Variants in COL23A1 observed in about 807,000 individuals in gnomAD.
COL23A1 encodes the protein collagen alpha-1(XXIII) chain.
COL23A1 carries 97 observed loss-of-function variants against 99.3 expected under a neutral mutation model. That is an observed-to-expected ratio of 0.98 (90% confidence interval 0.83 to 1.16). The LOEUF (loss-of-function observed/expected upper bound fraction) is 1.16, where lower values mean the gene tolerates loss of function less well. COL23A1 is among the 50% of genes most tolerant of loss of function. The probability of loss-of-function intolerance (pLI) is 0.00; values close to 1 mark genes in which losing one functional copy is unlikely to be tolerated. For missense variants in COL23A1, 762 were observed against 757.4 expected, an observed-to-expected ratio of 1.01 and a Z score of -0.07; for synonymous variants, 320 against 308.2, an observed-to-expected ratio of 1.04 and a Z score of -0.40.
At chr5:178,268,151 C>T (rs1465253671) in intron 7 of COL23A1, among the ~76,000 whole-genome samples, 4 of 152,224 alleles carry the variant, frequency 2.6e-5, no homozygotes, top group Admixed American at 1.3e-4. Context: ...CGGGGGTGGA[C>T]ATGGTCCAGC....
In COL23A1 at chr5:178,280,235, G is replaced by A. The variant is rs1401008973; in HGVS notation, c.441+8089C>T. On this transcript the variant is annotated intron_variant, in intron 5 of 28. Transcript: ENST00000390654. The surrounding 1 kb of genome is among the most constrained non-coding windows in gnomAD (Gnocchi z 4.9). ...GGGCCACAGCCTGGGCGATCAGCCA[G>A]GACGCTGGCCATTGAGGATGCAGGC... is the stretch of plus-strand genomic sequence containing the variant. Among the ~76,000 whole-genome samples, 2 of 152,258 alleles carry A rather than the reference G, an allele frequency of 1.3e-5. No homozygotes were observed. Among genetic ancestry groups the A allele is most frequent in the African/African-American group, 4.8e-5 (2 of 41,476 alleles).
intron 2 of COL23A1, among the ~76,000 whole-genome samples, chr5:178,402,691 G>A (rs902736928): frequency 5.9e-5 from 9 of 151,792 alleles, no homozygotes; most frequent in East Asian, 1.9e-4. Context: ...GTTCAAATAC[G>A]GCCTGGGACA....
Position 178,247,794 on chromosome 5 carries a change from G to C in COL23A1, c.1250C>G (p.Pro417Arg), listed in dbSNP as rs1477520916. The change falls in exon 21 of 29, where the codon CCT becomes CGT. Residue 417 changes from proline to arginine, a missense_variant. Coordinates refer to ENST00000390654, the MANE Select transcript of COL23A1 (RefSeq NM_173465.4). ...CCTTACCATCGGGCCTGGGGGGCCAGGGGGGCCAGGGGGCCCTGGCTCCAC... is the reference window on the plus strand; with the variant it reads ...CCTTACCATCGGGCCTGGGGGGCCACGGGGGCCAGGGGGCCCTGGCTCCAC... ...LIVEPGPPGPPGPPGPMGLQG... is the reference protein window; with the variant it reads ...LIVEPGPPGPRGPPGPMGLQG... 1 of 1,612,512 alleles carries C rather than the reference G, an allele frequency of 6.2e-7. No individual in the cohort carries two copies. The highest frequency in any genetic ancestry group is 8.5e-7 in the Non-Finnish European group (1 of 1,179,136).
chr5:178,337,537 G>A (rs1184532262), intron 2 of COL23A1, among the ~76,000 whole-genome samples: 5 of 152,214 alleles, frequency 3.3e-5, no homozygotes, highest in African/African-American at 4.8e-5. Context: ...ACAGAGAGAC[G>A]GAGTGGGGTG....
Position 178,369,642 on chromosome 5 carries a change from G to GT in COL23A1, c.362-62724dup, listed in dbSNP as rs201598240. Among the ~76,000 whole-genome samples, 813 of 152,202 alleles carry GT rather than the reference G, an allele frequency of 5.3e-3. 9 individuals are homozygous for GT. The highest frequency in any genetic ancestry group is 0.018 in the African/African-American group (763 of 41,516). On this transcript the variant is annotated intron_variant, in intron 2 of 28. Transcript: ENST00000390654. Reference sequence around the variant, plus strand: ...TGAATAAGTCTCCTGAGATCTGATGGTTTTATAAGGGGAGTTTCCCTGCAC... The same window carrying GT: ...TGAATAAGTCTCCTGAGATCTGATGGTTTTTATAAGGGGAGTTTCCCTGCAC...
At chr5:178,554,533 C>G (rs990521193) in intron 2 of COL23A1, among the ~76,000 whole-genome samples, 3 of 152,198 alleles carry the variant, frequency 2.0e-5, no homozygotes, top group Non-Finnish European at 2.9e-5. Flanking sequence ...TGCAAACCAC[C>G]TGGCGGTGAC....
intron 2 of COL23A1, chr5:178,345,409 G>C: frequency 2.9e-6 from 1 of 350,518 alleles, no homozygotes; most frequent in South Asian, 3.2e-5. Flanking sequence ...AATACTACCA[G>C]AACTGTTCTC....
intron 2 of COL23A1, among the ~76,000 whole-genome samples, chr5:178,393,719 T>C (rs1764088264): frequency 6.7e-6 from 1 of 148,734 alleles, no homozygotes; most frequent in South Asian, 2.1e-4. Context: ...CACTGCAACC[T>C]CCACCTCCCG....
At chr5:178,532,717 C>T (rs1000044695) in intron 2 of COL23A1, among the ~76,000 whole-genome samples, 2 of 152,038 alleles carry the variant, frequency 1.3e-5, no homozygotes, top group Admixed American at 6.6e-5. Flanking sequence ...CATTTGGAGG[C>T]GGGGCTTTGG....
intron 2 of COL23A1, among the ~76,000 whole-genome samples, chr5:178,536,642 G>T (rs986960076): frequency 2.6e-5 from 4 of 152,208 alleles, no homozygotes; most frequent in Non-Finnish European, 5.9e-5. Context: ...TGAGTCCCAG[G>T]CCCTGAGCTC....
rs189010188 is a variant in COL23A1 at position 178,400,229 on chromosome 5, T to C, written c.362-93310A>G. On this transcript the variant is annotated intron_variant, in intron 2 of 28. Transcript: ENST00000390654. Reference sequence around the variant, plus strand: ...AAAATACAAAAAAATTAGCCGGGCGTGGTGGCGGGCGCCTGTAGCCACAGC... The same window carrying C: ...AAAATACAAAAAAATTAGCCGGGCGCGGTGGCGGGCGCCTGTAGCCACAGC... Among the ~76,000 whole-genome samples the C allele has an allele frequency of 3.8e-4, 58 of 151,570 alleles. No homozygotes were observed. The East Asian group carries it at 0.011, about 29-fold the overall frequency.
intron 9 of COL23A1, 41 bp from the exon 10 acceptor site, chr5:178,262,293 G>A: frequency 6.4e-7 from 1 of 1,561,926 alleles, no homozygotes; most frequent in Non-Finnish European, 8.7e-7. Context: ...GATGCAGGAT[G>A]TCACATTGAA....
intron 2 of COL23A1, among the ~76,000 whole-genome samples, chr5:178,321,216 T>G (rs945367247): frequency 2.0e-5 from 3 of 152,226 alleles, no homozygotes; most frequent in Non-Finnish European, 4.4e-5. Context: ...CACGCTGTTG[T>G]GCGGCCACCA....
chr5:178,589,196 C>T lies in COL23A1; in HGVS notation c.294+708G>A, dbSNP rs184554667. Among the ~76,000 whole-genome samples the T allele has an allele frequency of 4.1e-3, 630 of 152,304 alleles. 4 individuals carry two copies. The highest frequency in any genetic ancestry group is 0.014 in the African/African-American group (585 of 41,558). ...GCTTTCAAGTAAGCTGTGGAAGTCG[C>T]GATTCCCAGGTAAGGGACGGGAAAC... is the stretch of plus-strand genomic sequence containing the variant. On this transcript the variant is annotated intron_variant, in intron 1 of 28. Transcript: ENST00000390654. This position sits in a 1 kb window ranked among gnomAD's most constrained non-coding sequence, Gnocchi z 5.4.
In COL23A1 at chr5:178,306,582, AG is replaced by A. The variant is rs2127604007; in HGVS notation, c.406+292del. On this transcript the variant is annotated intron_variant, in intron 3 of 28. Transcript: ENST00000390654. This position sits in a 1 kb window ranked among gnomAD's most constrained non-coding sequence, Gnocchi z 4.1. ...GCGGAGTCATCACCTTCTGCCTCAG[AG>A]AGAGGGGGCTGCTCTGGAGTGGGGG... Among the ~76,000 whole-genome samples the A allele has an allele frequency of 8.8e-6, 1 of 114,226 alleles. No individual in the cohort carries two copies. The highest frequency in any genetic ancestry group is 3.0e-4 in the South Asian group (1 of 3,384). The allele number at this position is 114,226 out of a possible 152,430, so 74.9% of individuals were successfully genotyped here. A position where few individuals can be genotyped will look rare whatever the true frequency, so the allele number is the denominator to read the frequency against.
intron 2 of COL23A1, among the ~76,000 whole-genome samples, chr5:178,518,841 G>A (rs1759768723): frequency 6.7e-6 from 1 of 149,368 alleles, no homozygotes; most frequent in South Asian, 2.1e-4. Flanking sequence ...TCCTCCAGCC[G>A]CTGCCTCCCG....
At chr5:178,490,844 T>TA (rs1757894577) in intron 2 of COL23A1, among the ~76,000 whole-genome samples, 1 of 152,116 alleles carries the variant, frequency 6.6e-6, no homozygotes, top group South Asian at 2.1e-4. Flanking sequence ...AAAATGCATA[T>TA]AAAAAACTGA....
At chr5:178,363,297 T>C (rs1248030340) in intron 2 of COL23A1, among the ~76,000 whole-genome samples, 1 of 152,078 alleles carries the variant, frequency 6.6e-6, no homozygotes, top group Non-Finnish European at 1.5e-5. Context: ...TCTGCTAATT[T>C]GATCACTGTA....
intron 1 of COL23A1, among the ~76,000 whole-genome samples, chr5:178,563,086 C>G (rs867225224): frequency 6.6e-6 from 1 of 152,204 alleles, no homozygotes; most frequent in Admixed American, 6.5e-5. Context: ...GAGGGTACTC[C>G]AGGGGGTGCC....
Sources: gnomAD v4.1 joint callset for allele counts (sites outside exome capture counted in the v4.1 genomes callset) on GRCh38, gnomAD v4.1.1 for gene constraint, Gnocchi (gnomAD v3.1) non-coding constraint, MANE v1.5 for transcripts, NCBI Gene and HGNC (gene_info 2026-07-23, HGNC 2026-07-21) for gene names.